Variants in ATP8B1 observed in about 807,000 individuals in gnomAD.
ATP8B1 encodes the protein ATPase phospholipid transporting 8B1, also known as phospholipid-transporting ATPase IC.
In ATP8B1, 80 loss-of-function variants were observed where a neutral mutation model predicts 149.9. The observed-to-expected ratio is 0.53, with a 90% CI of 0.45 to 0.64. The LOEUF is 0.64. ATP8B1 is among the 30% of genes least tolerant of loss of function. The probability of loss-of-function intolerance (pLI) is 0.00; values close to 1 mark genes in which losing one functional copy is unlikely to be tolerated. For synonymous variants in ATP8B1, 536 were observed against 562.8 expected, an observed-to-expected ratio of 0.95 and a Z score of 0.67; for missense variants, 1,247 against 1,552.6, an observed-to-expected ratio of 0.80 and a Z score of 3.31.
intron 1 of ATP8B1, among the ~76,000 whole-genome samples, chr18:57,779,097 C>T (rs1002359756): frequency 2.0e-4 from 30 of 151,928 alleles, no homozygotes; most frequent in African/African-American, 6.0e-4. Context: ...CTGAGGTGGG[C>T]AGATTGTTTG....
At chr18:57,781,141 A>G (rs185252314) in intron 1 of ATP8B1, among the ~76,000 whole-genome samples, 19 of 152,350 alleles carry the variant, frequency 1.2e-4, no homozygotes, top group African/African-American at 4.1e-4. Flanking sequence ...GTCTCCTTCA[A>G]AATCACTTGG....
chr18:57,652,700 G>C lies in ATP8B1; in HGVS notation c.3045C>G (p.Phe1015Leu). The change falls in exon 25 of 28, where the codon TTC (phenylalanine) becomes TTG (leucine). Residue 1015 changes from phenylalanine to leucine, a missense_variant. By Grantham distance (22) the Phe-to-Leu change is conservative (BLOSUM62 0). This residue lies in a region of ATP8B1 where 230 missense variants were observed against 356.6 expected (regional missense o/e 0.65). Transcript: ENST00000648908. ...QDVSDKLSLR[F>L]PGLYIVGQRD... Reference sequence around the variant, plus strand: ...TTTGTCCCACTATGTATAACCCAGGGAATCGGAGGCTCAGTTTGTCACTCA... The same window carrying C: ...TTTGTCCCACTATGTATAACCCAGGCAATCGGAGGCTCAGTTTGTCACTCA... 1 of 1,614,090 alleles carries C rather than the reference G, an allele frequency of 6.2e-7. No individual in the cohort carries two copies. The highest frequency in any genetic ancestry group is 1.7e-5 in the Admixed American group (1 of 60,012).
chr18:57,756,644 T>C (rs4941042), intron 1 of ATP8B1, among the ~76,000 whole-genome samples: 2 of 151,344 alleles, frequency 1.3e-5, no homozygotes, highest in African/African-American at 4.9e-5. Context: ...TAAAAGAATA[T>C]GGTATTCCTT....
At chr18:57,685,633 C>G (rs1466355466) in intron 13 of ATP8B1, among the ~76,000 whole-genome samples, 1 of 151,980 alleles carries the variant, frequency 6.6e-6, no homozygotes, top group East Asian at 1.9e-4. Context: ...GAACTGAAAT[C>G]AACTTTTAAA....
intron 13 of ATP8B1, among the ~76,000 whole-genome samples, chr18:57,687,382 T>C (rs1912303073): frequency 6.6e-6 from 1 of 152,218 alleles, no homozygotes; most frequent in Non-Finnish European, 1.5e-5. Context: ...ATAATGTCCT[T>C]AACCCATTTA....
In ATP8B1 at chr18:57,764,335, C is replaced by CTT. The variant is rs1568061092; in HGVS notation, c.-25-32505_-25-32504dup. Among the ~76,000 whole-genome samples the CTT allele has an allele frequency of 8.9e-4, 46 of 51,886 alleles. 1 individual carries two copies. The highest frequency in any genetic ancestry group is 5.6e-3 in the East Asian group (18 of 3,190). 34.0% of individuals were successfully genotyped at this position (51,886 alleles called of 152,430 possible). A position where few individuals can be genotyped will look rare whatever the true frequency, so the allele number is the denominator to read the frequency against. On this transcript the variant is annotated intron_variant, in intron 1 of 27. Coordinates refer to ENST00000648908, the MANE Select transcript of ATP8B1 (RefSeq NM_001374385.1). ...TTTCTTTCTTTCTTTTTCTTTCTTTCTTTCTTTTTCTTTCTTTCTCTCCCT... is the reference window on the plus strand; with the variant it reads ...TTTCTTTCTTTCTTTTTCTTTCTTTCTTTTTCTTTTTCTTTCTTTCTCTCCCT...
chr18:57,678,607 AAAG>A, intron 15 of ATP8B1, among the ~76,000 whole-genome samples: 1 of 129,598 alleles, frequency 7.7e-6, no homozygotes, highest in Middle Eastern at 4.0e-3. Context: ...AAAGAAGAGA[AAAG>A]AAAAGAGTGT....
At chr18:57,756,922 C>T (rs2123302374) in intron 1 of ATP8B1, among the ~76,000 whole-genome samples, 1 of 152,268 alleles carries the variant, frequency 6.6e-6, no homozygotes, top group South Asian at 2.1e-4. Flanking sequence ...TGTGGGGAGA[C>T]ACTTTTAAGA....
intron 1 of ATP8B1, among the ~76,000 whole-genome samples, chr18:57,742,979 T>C (rs1052305989): frequency 6.6e-6 from 1 of 152,190 alleles, no homozygotes; most frequent in African/African-American, 2.4e-5. Flanking sequence ...AAGGATTTCT[T>C]AGTCCAGCAT....
intron 15 of ATP8B1, among the ~76,000 whole-genome samples, chr18:57,681,677 T>C (rs1911981320): frequency 1.3e-5 from 2 of 152,052 alleles, no homozygotes; most frequent in African/African-American, 4.8e-5. Context: ...GGTGGGCCCC[T>C]GTAGTCCCAG....
In ATP8B1 at chr18:57,690,715, TAA is replaced by T. The variant is rs1912487502; in HGVS notation, c.1220+1090_1220+1091del. ...AAATGCACATATAATGACACTAAAA[TAA>T]AATAAATGCCTCTAATTATAGGTGT... is the stretch of plus-strand genomic sequence containing the variant. On this transcript the variant is annotated intron_variant, in intron 12 of 27. Coordinates refer to ENST00000648908, the MANE Select transcript of ATP8B1 (RefSeq NM_001374385.1). 3.3e-5 allele frequency among the ~76,000 whole-genome samples: 5 copies of T among 152,284 alleles called. No homozygotes were observed. The South Asian group carries it at 1.0e-3, about 32-fold the overall frequency.
Position 57,741,353 on chromosome 18 carries a change from T to TGG in ATP8B1, c.-25-9523_-25-9522dup, listed in dbSNP as rs1415807127. On this transcript the variant is annotated intron_variant, in intron 1 of 27. Transcript: ENST00000648908. Reference sequence around the variant, plus strand: ...GCCAACTCTTTCCCCTTCCTTGCTTTGGTGAAGCAGCTGCCCTATGGAGAG... The same window carrying TGG: ...GCCAACTCTTTCCCCTTCCTTGCTTTGGGGTGAAGCAGCTGCCCTATGGAGAG... 8.5e-5 allele frequency among the ~76,000 whole-genome samples: 13 copies of TGG among 152,314 alleles called. No individual in the cohort carries two copies. In the South Asian group the frequency reaches 2.1e-3, roughly 24 times the overall value.
chr18:57,736,622 A>AT (rs71171080), intron 1 of ATP8B1, among the ~76,000 whole-genome samples: 113 of 119,056 alleles, frequency 9.5e-4, no homozygotes, highest in African/African-American at 3.1e-3. Flanking sequence ...CACCATGCCT[A>AT]TTTTTTTTTT....
chr18:57,671,473 G>C lies in ATP8B1; in HGVS notation c.1927C>G (p.Leu643Val). 1.2e-6 allele frequency: 2 copies of C among 1,608,636 alleles called. No individual in the cohort carries two copies. Among genetic ancestry groups the C allele is most frequent in the South Asian group, 2.2e-5 (2 of 90,968 alleles). ...AGAATAAAAGTGAAACTTACATCCA[G>C]GGCATCCTGTGTTTCTTGCTTAGTA... ...NPTKQETQDA[L>V]DIFANETLRT... is the part of the protein sequence containing the mutation. Residue 643 changes from leucine to valine, a missense_variant, in exon 17 of 28, where the codon CTG becomes GTG. Transcript: ENST00000648908.
At chr18:57,653,282 C>CTTTTTTT (rs199543849) in intron 24 of ATP8B1, among the ~76,000 whole-genome samples, 23 of 114,460 alleles carry the variant, frequency 2.0e-4, no homozygotes, top group African/African-American at 3.6e-4. Flanking sequence ...CTTTTCTTTT[C>CTTTTTTT]TTTTTTTTTT....
chr18:57,688,469 T>G lies in ATP8B1; in HGVS notation c.1259A>C (p.Asn420Thr). 6.2e-7 allele frequency: 1 copy of G among 1,614,202 alleles called. No individual in the cohort carries two copies. The highest frequency in any genetic ancestry group is 8.5e-7 in the Non-Finnish European group (1 of 1,180,032). ...AGCATAGTACATTTGCAGGTCCCAGTTGATGAAGTGACTCTGTCCAAGACG... is the reference window on the plus strand; with the variant it reads ...AGCATAGTACATTTGCAGGTCCCAGGTGATGAAGTGACTCTGTCCAAGACG... ...VIRLGQSHFI[N>T]WDLQMYYAEK... is the part of the protein sequence containing the mutation. The change falls in exon 13 of 28, where the codon AAC becomes ACC. Residue 420 changes from asparagine (N) to threonine (T), a missense_variant. By Grantham distance (65) the Asn-to-Thr change is moderately conservative (BLOSUM62 0). Around this residue, in one of 3 missense-constraint regions of ATP8B1, gnomAD observed 853 missense variants for 1,035.7 expected, o/e 0.82. Transcript: ENST00000648908.
At chr18:57,669,750 A>T (rs1188966028) in intron 17 of ATP8B1, among the ~76,000 whole-genome samples, 1 of 152,106 alleles carries the variant, frequency 6.6e-6, no homozygotes, top group African/African-American at 2.4e-5. Context: ...TCCAGGCTGA[A>T]GCCATCCTCT....
intron 1 of ATP8B1, among the ~76,000 whole-genome samples, chr18:57,749,007 A>G (rs1182315456): frequency 6.6e-6 from 1 of 152,166 alleles, no homozygotes; most frequent in Non-Finnish European, 1.5e-5. Context: ...AACATGTATT[A>G]AAACATCTTC....
intron 8 of ATP8B1, among the ~76,000 whole-genome samples, chr18:57,696,631 T>C (rs41342949): frequency 0.21 from 32,301 of 151,506 alleles, 3,863 homozygotes; most frequent in South Asian, 0.38. Flanking sequence ...TTCAGTCTCA[T>C]GATTTCCGCT....
Sources: gnomAD v4.1 joint callset for allele counts (sites outside exome capture counted in the v4.1 genomes callset) on GRCh38, gnomAD v4.1.1 for gene constraint, gnomAD v4.1.1 regional missense constraint, MANE v1.5 for transcripts, NCBI Gene and HGNC (gene_info 2026-07-23, HGNC 2026-07-21) for gene names.